LUZP2: variants seen among roughly 807,000 people sequenced by gnomAD.
LUZP2 encodes the protein leucine zipper protein 2.
In LUZP2, 52 loss-of-function variants were observed where a neutral mutation model predicts 51.6. The observed-to-expected ratio is 1.01, with a 90% CI of 0.81 to 1.27. The LOEUF is 1.27. Among genes scored for constraint, LUZP2 ranks in the 50% most tolerant of loss-of-function variants. The pLI is 0.00. For missense variants in LUZP2, 436 were observed against 395.4 expected (o/e 1.10, Z -0.87); for synonymous variants, 154 against 137.3 (o/e 1.12, Z -0.85).
chr11:24,613,577 G>A (rs1854191844), intron 1 of LUZP2, among the ~76,000 whole-genome samples: 1 of 151,644 alleles, frequency 6.6e-6, no homozygotes, highest in Non-Finnish European at 1.5e-5. Flanking sequence ...TAAGACCTGG[G>A]CATGTTGAAT....
At chr11:24,693,987 A>G (rs1055433799) in intron 1 of LUZP2, among the ~76,000 whole-genome samples, 10 of 152,210 alleles carry the variant, frequency 6.6e-5, no homozygotes, top group Non-Finnish European at 1.2e-4. Flanking sequence ...AGATGCTTTC[A>G]TACATATCAT....
chr11:24,977,310 G>A (rs1855907343), intron 8 of LUZP2, among the ~76,000 whole-genome samples: 1 of 151,440 alleles, frequency 6.6e-6, no homozygotes, highest in African/African-American at 2.4e-5. Flanking sequence ...AATGTTCAAT[G>A]AGAAAAGCAG....
intron 7 of LUZP2, among the ~76,000 whole-genome samples, chr11:24,939,145 C>G (rs961333971): frequency 6.6e-6 from 1 of 152,006 alleles, no homozygotes; most frequent in Admixed American, 6.6e-5. Context: ...ATCAAATTAT[C>G]TCGGTTCTCT....
chr11:24,647,013 G>A (rs189921299), intron 1 of LUZP2, among the ~76,000 whole-genome samples: 40 of 152,092 alleles, frequency 2.6e-4, no homozygotes, highest in African/African-American at 8.7e-4. Flanking sequence ...TCCAGTAGAA[G>A]TATTATTTAT....
At chr11:24,936,585 C>T (rs1854594523) in intron 7 of LUZP2, among the ~76,000 whole-genome samples, 1 of 151,804 alleles carries the variant, frequency 6.6e-6, no homozygotes, top group East Asian at 1.9e-4. Flanking sequence ...AGAAGCCCCT[C>T]TCATTCCTGA....
chr11:24,756,080 C>A (rs533441518), intron 4 of LUZP2, among the ~76,000 whole-genome samples: 18 of 152,224 alleles, frequency 1.2e-4, no homozygotes, highest in African/African-American at 4.1e-4. Context: ...CTTATGTTAA[C>A]CCCAAGCATT....
At chr11:24,953,689 G>A (rs1035904093) in intron 7 of LUZP2, among the ~76,000 whole-genome samples, 41 of 152,120 alleles carry the variant, frequency 2.7e-4, no homozygotes, top group African/African-American at 9.9e-4. Flanking sequence ...AAGTGCTTTG[G>A]AAGAATATAA....
At chr11:24,555,639 T>C (rs1851844685) in intron 1 of LUZP2, among the ~76,000 whole-genome samples, 1 of 152,138 alleles carries the variant, frequency 6.6e-6, no homozygotes, top group South Asian at 2.1e-4. Flanking sequence ...AGTCCAAAGA[T>C]ATTCATTCAA....
chr11:24,798,547 A>C (rs1033657547), intron 5 of LUZP2, among the ~76,000 whole-genome samples: 1 of 152,172 alleles, frequency 6.6e-6, no homozygotes, highest in East Asian at 1.9e-4. Context: ...CACAAGGGGA[A>C]GGAGTCCCCT....
intron 7 of LUZP2, among the ~76,000 whole-genome samples, chr11:24,956,344 A>C (rs996791999): frequency 1.3e-5 from 2 of 152,042 alleles, no homozygotes; most frequent in African/African-American, 4.8e-5. Context: ...GATTGCTGAC[A>C]CCTTGACTTT....
intron 9 of LUZP2, among the ~76,000 whole-genome samples, chr11:25,000,457 G>C (rs753295695): frequency 4.6e-5 from 7 of 152,162 alleles, no homozygotes; most frequent in South Asian, 4.1e-4. Context: ...AGGGTTCCTT[G>C]GTAGTAGTTG....
chr11:24,528,704 A>G (rs1283885301), intron 1 of LUZP2, among the ~76,000 whole-genome samples: 1 of 151,066 alleles, frequency 6.6e-6, no homozygotes, highest in Non-Finnish European at 1.5e-5. Flanking sequence ...CAACCTGGAG[A>G]TTCTGCTTTC....
chr11:24,878,836 G>A (rs930851098), intron 5 of LUZP2, among the ~76,000 whole-genome samples: 1 of 151,676 alleles, frequency 6.6e-6, no homozygotes, highest in Non-Finnish European at 1.5e-5. Context: ...TGTTCTCATT[G>A]TTCAACTCCC....
At chr11:24,692,810 A>G (rs113432521) in intron 1 of LUZP2, among the ~76,000 whole-genome samples, 4,350 of 152,128 alleles carry the variant, frequency 0.029, 200 homozygotes, top group African/African-American at 0.099. Context: ...AGAATATTAA[A>G]TTATTACCTT....
chr11:24,946,894 A>G (rs951180438), intron 7 of LUZP2, among the ~76,000 whole-genome samples: 1 of 151,976 alleles, frequency 6.6e-6, no homozygotes, highest in African/African-American at 2.4e-5. Context: ...TTACAGTTAC[A>G]TATATATCTA....
At position 25,005,612 on chromosome 11, in the gene LUZP2, G is replaced by A. The variant is rs979045163; in HGVS notation, c.765+22319G>A. ...CATCTGAAAGACAAAACCACCCATG[G>A]TTTTGGTTTGTTTGTTTCCCGCTGC... On this transcript the variant is annotated intron_variant, in intron 9 of 11. Coordinates refer to ENST00000336930, the MANE Select transcript of LUZP2 (RefSeq NM_001009909.4). Among the ~76,000 whole-genome samples the A allele has an allele frequency of 7.2e-5, 11 of 152,202 alleles. No individual in the cohort carries two copies. The South Asian group carries it at 1.2e-3, about 17-fold the overall frequency.
chr11:24,717,057 A>G (rs1388050463), intron 1 of LUZP2, among the ~76,000 whole-genome samples: 1 of 152,108 alleles, frequency 6.6e-6, no homozygotes, highest in Non-Finnish European at 1.5e-5. Context: ...AATATATGAC[A>G]TGCATATTAA....
chr11:24,821,805 G>T (rs543419838), intron 5 of LUZP2, among the ~76,000 whole-genome samples: 15 of 151,652 alleles, frequency 9.9e-5, no homozygotes, highest in African/African-American at 3.6e-4. Flanking sequence ...GGTATAAAAG[G>T]TATAGTAAAC....
intron 1 of LUZP2, among the ~76,000 whole-genome samples, chr11:24,702,524 C>T (rs1490637739): frequency 2.0e-5 from 3 of 152,156 alleles, no homozygotes; most frequent in African/African-American, 7.2e-5. Flanking sequence ...GAAGGCAAAG[C>T]AGGAGCAGAC....
Sources: gnomAD v4.1 joint callset for allele counts (sites outside exome capture counted in the v4.1 genomes callset) on GRCh38, gnomAD v4.1.1 for gene constraint, MANE v1.5 for transcripts, NCBI Gene and HGNC (gene_info 2026-07-23, HGNC 2026-07-21) for gene names.